Variants in NEGR1 observed in about 807,000 individuals in gnomAD.
The protein encoded by NEGR1 is neuronal growth regulator 1.
In NEGR1, 10 loss-of-function variants were observed where a neutral mutation model predicts 40.9. The observed-to-expected ratio is 0.24, with a 90% CI of 0.15 to 0.42. The LOEUF is 0.42. Ranked by LOEUF, NEGR1 falls within the 10% of genes least tolerant of loss-of-function variation. NEGR1 has a pLI of 1.00. For missense variants in NEGR1, 352 were observed against 438.9 expected (o/e 0.80, Z 1.77); for synonymous variants, 185 against 166.8 (o/e 1.11, Z -0.84).
At chr1:71,859,443 A>G (rs1306429438) in intron 2 of NEGR1, among the ~76,000 whole-genome samples, 3 of 152,038 alleles carry the variant, frequency 2.0e-5, no homozygotes, top group Non-Finnish European at 4.4e-5. Flanking sequence ...ATTTACTTTT[A>G]TTCATACTAA....
intron 1 of NEGR1, among the ~76,000 whole-genome samples, chr1:71,985,215 A>T (rs555462979): frequency 1.3e-5 from 2 of 152,336 alleles, no homozygotes; most frequent in African/African-American, 4.8e-5. Flanking sequence ...ATCATAAATA[A>T]AAAGCAGCCG....
chr1:72,225,463 A>G (rs969699375), intron 1 of NEGR1, among the ~76,000 whole-genome samples: 2 of 151,668 alleles, frequency 1.3e-5, no homozygotes, highest in Non-Finnish European at 2.9e-5. Context: ...CATAAAAATT[A>G]TTTTTCAATG....
intron 1 of NEGR1, among the ~76,000 whole-genome samples, chr1:72,168,417 C>A (rs748314588): frequency 3.9e-5 from 6 of 151,920 alleles, no homozygotes; most frequent in Non-Finnish European, 2.9e-5. Flanking sequence ...TTGCCTAAAC[C>A]CACACACACA....
intron 6 of NEGR1, among the ~76,000 whole-genome samples, chr1:71,513,331 G>C (rs1330603601): frequency 3.9e-5 from 6 of 152,116 alleles, no homozygotes. Flanking sequence ...CACACAGGGT[G>C]GTTTTCATCT....
chr1:71,799,287 A>G (rs1657465902), intron 2 of NEGR1, among the ~76,000 whole-genome samples: 1 of 152,144 alleles, frequency 6.6e-6, no homozygotes, highest in Non-Finnish European at 1.5e-5. Context: ...GAGGGAGACC[A>G]CACGGTGTTT....
At chr1:71,705,292 G>T (rs985819472) in intron 3 of NEGR1, among the ~76,000 whole-genome samples, 3 of 152,008 alleles carry the variant, frequency 2.0e-5, no homozygotes, top group African/African-American at 7.3e-5. Flanking sequence ...CCATAAATAC[G>T]ATTTAGAAGG....
chr1:71,808,806 A>G (rs1215437877), intron 2 of NEGR1, among the ~76,000 whole-genome samples: 1 of 152,158 alleles, frequency 6.6e-6, no homozygotes, highest in Non-Finnish European at 1.5e-5. Context: ...GGAATATGTG[A>G]TTTTCCTCCT....
At chr1:71,923,361 A>G (rs1336101435) in intron 2 of NEGR1, among the ~76,000 whole-genome samples, 2 of 151,878 alleles carry the variant, frequency 1.3e-5, no homozygotes, top group Non-Finnish European at 2.9e-5. Flanking sequence ...CGATACACAC[A>G]CACACACACT....
At chr1:71,582,884 G>C (rs1649183020) in intron 6 of NEGR1, among the ~76,000 whole-genome samples, 1 of 152,136 alleles carries the variant, frequency 6.6e-6, no homozygotes, top group Non-Finnish European at 1.5e-5. Context: ...CCTGGTCAAA[G>C]GTTGGCCCTT....
At chr1:71,853,456 A>T (rs1319179632) in intron 2 of NEGR1, among the ~76,000 whole-genome samples, 1 of 152,094 alleles carries the variant, frequency 6.6e-6, no homozygotes, top group Non-Finnish European at 1.5e-5. Flanking sequence ...GTTAGTGTTG[A>T]TATTTTTACA....
Position 72,271,816 on chromosome 1 carries a change from T to C in NEGR1, c.176+10503A>G, listed in dbSNP as rs552280949. ...TAACTGAATCATGAGAGGCGGTCTT[T>C]CCCATGCTATTCTCATGATAATGAA... On this transcript the variant is annotated intron_variant, in intron 1 of 6. Transcript: ENST00000357731. Among the ~76,000 whole-genome samples the C allele has an allele frequency of 3.4e-3, 519 of 151,904 alleles. 4 individuals are homozygous for C. The highest frequency in any genetic ancestry group is 0.012 in the African/African-American group (501 of 41,500).
At chr1:72,151,886 G>C (rs1651140273) in intron 1 of NEGR1, among the ~76,000 whole-genome samples, 1 of 151,720 alleles carries the variant, frequency 6.6e-6, no homozygotes, top group East Asian at 1.9e-4. Flanking sequence ...AGCCAAAATT[G>C]TATACATAAA....
rs561639646 is a variant in NEGR1 at position 71,633,265 on chromosome 1, A to C, written c.668-22119T>G. Among the ~76,000 whole-genome samples the C allele has an allele frequency of 7.9e-4, 120 of 152,242 alleles. 1 individual carries two copies. Among genetic ancestry groups the C allele is most frequent in the Admixed American group, 1.2e-3 (19 of 15,270 alleles). On this transcript the variant is annotated intron_variant, in intron 4 of 6. Transcript: ENST00000357731. ...ACCTACACCTCCTTGCCATCAGTAG[A>C]TGCCACAGAAATTTTTTTGTCATCT...
intron 4 of NEGR1, among the ~76,000 whole-genome samples, chr1:71,634,057 C>A (rs1651062231): frequency 6.6e-6 from 1 of 152,026 alleles, no homozygotes; most frequent in Non-Finnish European, 1.5e-5. Context: ...GAGTTATAGG[C>A]ACACCATGTG....
intron 6 of NEGR1, among the ~76,000 whole-genome samples, chr1:71,418,992 G>C (rs983666366): frequency 6.6e-6 from 1 of 151,948 alleles, no homozygotes; most frequent in Non-Finnish European, 1.5e-5. Flanking sequence ...TTCTACTTTA[G>C]CTATTGCTAT....
At chr1:71,971,919 C>T (rs1646259984) in intron 1 of NEGR1, among the ~76,000 whole-genome samples, 1 of 152,164 alleles carries the variant, frequency 6.6e-6, no homozygotes, top group African/African-American at 2.4e-5. Flanking sequence ...AGCGTTGGCT[C>T]TATATTCTTA....
chr1:72,028,056 G>A (rs1379046422), intron 1 of NEGR1, among the ~76,000 whole-genome samples: 3 of 152,096 alleles, frequency 2.0e-5, no homozygotes, highest in Non-Finnish European at 2.9e-5. Flanking sequence ...TTCTTATCTC[G>A]TGAAATTTCT....
chr1:72,216,466 A>G (rs1013121061), intron 1 of NEGR1, among the ~76,000 whole-genome samples: 3 of 146,800 alleles, frequency 2.0e-5, no homozygotes, highest in Non-Finnish European at 4.5e-5. Flanking sequence ...GGAAATATAA[A>G]ATATATTTTC....
At chr1:72,004,444 C>T (rs1000678192) in intron 1 of NEGR1, among the ~76,000 whole-genome samples, 33 of 152,158 alleles carry the variant, frequency 2.2e-4, no homozygotes, top group African/African-American at 6.5e-4. Context: ...TTCAGGCATG[C>T]GCCACCACTC....
Sources: gnomAD v4.1 joint callset for allele counts (sites outside exome capture counted in the v4.1 genomes callset) on GRCh38, gnomAD v4.1.1 for gene constraint, MANE v1.5 for transcripts, NCBI Gene and HGNC (gene_info 2026-07-23, HGNC 2026-07-21) for gene names.